Variants in ICA1 observed in about 807,000 individuals in gnomAD.
The protein encoded by ICA1 is islet cell autoantigen 1.
In ICA1, 40 loss-of-function variants were observed where a neutral mutation model predicts 71.0. The ratio of observed to expected loss-of-function variants is 0.56; its 90% CI spans 0.44 to 0.73. The LOEUF (loss-of-function observed/expected upper bound fraction) is 0.73, where lower values mean the gene tolerates loss of function less well. ICA1 is among the 30% of genes least tolerant of loss of function. The probability of loss-of-function intolerance (pLI) is 0.00; values close to 1 mark genes in which losing one functional copy is unlikely to be tolerated. For synonymous variants in ICA1, 207 were observed against 209.5 expected, an observed-to-expected ratio of 0.99 and a Z score of 0.10; for missense variants, 578 against 576.5, an observed-to-expected ratio of 1.00 and a Z score of -0.03.
chr7:8,127,807 C>T, intron 13 of ICA1, 66 bp downstream of exon 13: 1 of 1,479,002 alleles, frequency 6.8e-7, no homozygotes. Flanking sequence ...AAGAAATATG[C>T]TTTTGGATTG....
chr7:8,124,264 G>A (rs557802271), intron 13 of ICA1, among the ~76,000 whole-genome samples: 1 of 151,892 alleles, frequency 6.6e-6, no homozygotes, highest in African/African-American at 2.4e-5. Flanking sequence ...GGGACTACAG[G>A]CACGCACCAG....
intron 5 of ICA1, among the ~76,000 whole-genome samples, chr7:8,220,943 GA>G (rs1282148093): frequency 3.3e-5 from 5 of 152,080 alleles, no homozygotes; most frequent in Non-Finnish European, 7.4e-5. Context: ...TCAGCTGCTG[GA>G]AGGGGACCAG....
chr7:8,119,563 A>T (rs1221641880), intron 13 of ICA1, among the ~76,000 whole-genome samples: 1 of 152,218 alleles, frequency 6.6e-6, no homozygotes, highest in African/African-American at 2.4e-5. Flanking sequence ...AAGAAGCCAG[A>T]GGCCGGGTGT....
rs778755992 is a variant in ICA1 at position 8,158,580 on chromosome 7, GA to G, written c.651del (p.Leu218PhefsTer14). Reference protein sequence around the residue: ...KLKMDVCQKVDLLGASRCNLL... With the variant: ...KLKMDVCQKVXLLGASRCNLL... ...AGATTGCATCTGCTCGCTCCAAGAA[GA>G]TCCACTTTTTGACAAACATCCATCT... On this transcript the variant is annotated frameshift_variant, in exon 7 of 14. Transcript: ENST00000402384. LOFTEE classifies it high-confidence loss of function. 1 of 1,614,090 alleles carries G rather than the reference GA, an allele frequency of 6.2e-7. No individual in the cohort carries two copies. The highest frequency in any genetic ancestry group is 8.5e-7 in the Non-Finnish European group (1 of 1,179,986).
rs1013031430 is a variant in ICA1, at chr7:8,256,582, A to C, written c.-80+5512T>G. Among the ~76,000 whole-genome samples the C allele has an allele frequency of 2.6e-5, 4 of 152,208 alleles. No individual in the cohort carries two copies. The East Asian group carries it at 7.7e-4, about 29-fold the overall frequency. On this transcript the variant is annotated intron_variant, in intron 1 of 13. Transcript: ENST00000402384. The stretch of plus-strand genomic sequence containing the variant: ...CTCTTCAGTGAAGTATTCCCAACTC[A>C]ACATCTCGTCTCTATCCCTCTCCCC...
At chr7:8,118,802 C>T (rs999796248) in intron 13 of ICA1, among the ~76,000 whole-genome samples, 1 of 152,224 alleles carries the variant, frequency 6.6e-6, no homozygotes, top group Non-Finnish European at 1.5e-5. Flanking sequence ...TTTCCCCTAA[C>T]CCCTGCAGCT....
At chr7:8,166,893 C>T (rs989052834) in intron 6 of ICA1, among the ~76,000 whole-genome samples, 21 of 3,732 alleles carry the variant, frequency 5.6e-3, no homozygotes, top group African/African-American at 0.051. Flanking sequence ...TGCTCAACAT[C>T]ACTAATCATA....
At chr7:8,115,518 C>G (rs1031135792) in intron 13 of ICA1, among the ~76,000 whole-genome samples, 1 of 152,192 alleles carries the variant, frequency 6.6e-6, no homozygotes, top group Non-Finnish European at 1.5e-5. Flanking sequence ...CTTAGGAGGT[C>G]TTCTGAGCGT....
At chr7:8,229,181 G>A (rs767025991) in intron 3 of ICA1, among the ~76,000 whole-genome samples, 1 of 152,126 alleles carries the variant, frequency 6.6e-6, no homozygotes, top group Non-Finnish European at 1.5e-5. Context: ...TCAATCAGCT[G>A]GATGTCCTGT....
chr7:8,140,020 A>G (rs554462295), intron 10 of ICA1, among the ~76,000 whole-genome samples: 1 of 152,328 alleles, frequency 6.6e-6, no homozygotes, highest in African/African-American at 2.4e-5. Context: ...ATATGCAAAT[A>G]CCACAAGCAA....
At chr7:8,168,482 T>C (rs1229071037) in intron 6 of ICA1, among the ~76,000 whole-genome samples, 5 of 152,280 alleles carry the variant, frequency 3.3e-5, no homozygotes, top group African/African-American at 1.2e-4. Context: ...CTTTAAACCA[T>C]GGGACACAGG....
At chr7:8,153,422 C>G (rs1800325781) in intron 8 of ICA1, among the ~76,000 whole-genome samples, 1 of 152,120 alleles carries the variant, frequency 6.6e-6, no homozygotes, top group Non-Finnish European at 1.5e-5. Context: ...GCCAGCACGC[C>G]AGATAGAGGG....
Position 8,257,312 on chromosome 7 carries a change from C to T in ICA1, c.-80+4782G>A, listed in dbSNP as rs184349964. On this transcript the variant is annotated intron_variant, in intron 1 of 13. Coordinates refer to ENST00000402384, the MANE Select transcript of ICA1 (RefSeq NM_001136020.3). ...ACCCTGGAAATATCACAGAGAAGAC[C>T]GGATTTTCCCCTAGGTACTATTAGG... Among the ~76,000 whole-genome samples, 466 of 152,266 alleles carry T rather than the reference C, an allele frequency of 3.1e-3. 12 individuals carry two copies. Among genetic ancestry groups the T allele is most frequent in the Admixed American group, 0.027 (411 of 15,302 alleles).
intron 9 of ICA1, among the ~76,000 whole-genome samples, chr7:8,142,397 G>C (rs1332051662): frequency 2.0e-5 from 3 of 152,198 alleles, no homozygotes; most frequent in African/African-American, 7.2e-5. Flanking sequence ...TTCACGTTCA[G>C]TGTTCACTGT....
chr7:8,228,501 A>T, intron 4 of ICA1, 100 bp downstream of exon 4: 1 of 641,444 alleles, frequency 1.6e-6, no homozygotes, highest in Non-Finnish European at 2.6e-6. Context: ...GACACAGACA[A>T]ACACTCTTAG....
intron 1 of ICA1, among the ~76,000 whole-genome samples, chr7:8,249,451 C>T (rs1583825848): frequency 2.0e-5 from 3 of 152,274 alleles, no homozygotes; most frequent in African/African-American, 7.2e-5. Flanking sequence ...CACCATGTGC[C>T]ACCTTCAGCA....
intron 1 of ICA1, among the ~76,000 whole-genome samples, chr7:8,252,636 TAATA>T (rs1345299382): frequency 3.5e-5 from 5 of 140,854 alleles, no homozygotes; most frequent in South Asian, 2.1e-4. Flanking sequence ...AATGTCTCAT[TAATA>T]AATCCATGTA....
chr7:8,252,457 A>T (rs1461129696), intron 1 of ICA1, among the ~76,000 whole-genome samples: 1 of 152,192 alleles, frequency 6.6e-6, no homozygotes, highest in African/African-American at 2.4e-5. Flanking sequence ...CTTTTTATGG[A>T]AGAATAACCT....
At chr7:8,162,502 C>T (rs7799828) in intron 6 of ICA1, among the ~76,000 whole-genome samples, 38,649 of 152,022 alleles carry the variant, frequency 0.25, 6,782 homozygotes, top group African/African-American at 0.51. Context: ...GAGGTTAAAA[C>T]ACCAAGGACA....
Sources: allele counts gnomAD v4.1 joint callset (sites outside exome capture counted in the v4.1 genomes callset), GRCh38; gene constraint gnomAD v4.1.1; transcripts MANE v1.5; gene names NCBI Gene and HGNC (gene_info 2026-07-23, HGNC 2026-07-21).